Variants in ARFGEF2 observed in about 807,000 individuals in gnomAD.
The protein encoded by ARFGEF2 is ARF guanine nucleotide exchange factor 2.
ARFGEF2 carries 74 observed loss-of-function variants against 219.9 expected under a neutral mutation model. The observed-to-expected ratio is 0.34, with a 90% CI of 0.28 to 0.41. The LOEUF (loss-of-function observed/expected upper bound fraction) is 0.41, where lower values mean the gene tolerates loss of function less well. Among genes scored for constraint, ARFGEF2 ranks in the 10% least tolerant of loss-of-function variants. ARFGEF2 has a pLI of 1.00. For synonymous variants in ARFGEF2, 733 were observed against 799.2 expected (o/e 0.92, Z 1.40); for missense variants, 1,743 against 2,218.3 (o/e 0.79, Z 4.30).
intron 31 of ARFGEF2, 76 bp from the exon 32 acceptor site, chr20:49,017,173 A>T: frequency 6.8e-7 from 1 of 1,476,628 alleles, no homozygotes; most frequent in Middle Eastern, 2.0e-4. Context: ...CCAACTCACA[A>T]TATACAGTAT....
At position 48,985,159 on chromosome 20, in the gene ARFGEF2, G is replaced by T. The variant is rs6125511; in HGVS notation, c.2071-249G>T. Among the ~76,000 whole-genome samples, 15,731 of 147,732 alleles carry T rather than the reference G, an allele frequency of 0.11. 949 individuals are homozygous for T. The highest frequency in any genetic ancestry group is 0.13 in the Non-Finnish European group (8,914 of 67,528). ...TGCCTGTCTGCAACTAACCTCCTTA[G>T]TGTGCCCCGTCATTCTCTCCATTTT... is the stretch of plus-strand genomic sequence containing the variant. On this transcript the variant is annotated intron_variant, in intron 15 of 38. Transcript: ENST00000371917.
chr20:48,976,665 G>A (rs971293352), intron 14 of ARFGEF2, among the ~76,000 whole-genome samples: 7 of 151,934 alleles, frequency 4.6e-5, no homozygotes, highest in Admixed American at 2.0e-4. Flanking sequence ...AAAATTAGCC[G>A]GGCGTGGTGG....
At chr20:48,950,960 T>C (rs990471415) in intron 3 of ARFGEF2, among the ~76,000 whole-genome samples, 7 of 151,360 alleles carry the variant, frequency 4.6e-5, no homozygotes, top group Admixed American at 2.6e-4. Flanking sequence ...TTTTATGTTA[T>C]CATTGACGAT....
chr20:48,938,980 GT>G (rs1381256978), intron 1 of ARFGEF2, among the ~76,000 whole-genome samples: 82 of 133,514 alleles, frequency 6.1e-4, no homozygotes, highest in African/African-American at 9.4e-4. Context: ...TTTTTTGTTT[GT>G]TTTTTTTTTT....
chr20:48,945,529 G>A (rs893996270), intron 3 of ARFGEF2, among the ~76,000 whole-genome samples: 3 of 152,158 alleles, frequency 2.0e-5, no homozygotes, highest in Non-Finnish European at 2.9e-5. Flanking sequence ...AACCCACTGT[G>A]AATCTTGAGT....
rs746441792 is a variant in ARFGEF2 at position 48,998,451 on chromosome 20, G to A, written c.3378G>A (p.Arg1126=). The part of the protein sequence containing the change: ...IVEISYYNMN[R]IRLQWSRIWH... ...AGATATCATACTACAACATGAATCG[G>A]ATCCGACTACAGTGGTCTCGAATAT... The change falls in exon 25 of 39, where the codon CGG becomes CGA. Residue 1126 remains arginine, a synonymous_variant. Transcript: ENST00000371917. 1.2e-6 allele frequency: 2 copies of A among 1,613,734 alleles called. No homozygotes were observed. Among genetic ancestry groups the A allele is most frequent in the Non-Finnish European group, 1.7e-6 (2 of 1,180,022 alleles).
chr20:49,026,559 T>A (rs939151169), intron 36 of ARFGEF2, among the ~76,000 whole-genome samples: 1 of 151,994 alleles, frequency 6.6e-6, no homozygotes, highest in African/African-American at 2.4e-5. Flanking sequence ...TTATATAATT[T>A]TTGTATTGTT....
chr20:48,930,528 A>G lies in ARFGEF2; in HGVS notation c.121+8518A>G, dbSNP rs73126661. On this transcript the variant is annotated intron_variant, in intron 1 of 38. Transcript: ENST00000371917. ...AGTAAGAGCATGGGAAAGAGGATTG[A>G]TAAGCTTGACTCTCCGATTTCTGAC... Among the ~76,000 whole-genome samples, 1,397 of 152,294 alleles carry G rather than the reference A, an allele frequency of 9.2e-3. 13 individuals are homozygous for G. The highest frequency in any genetic ancestry group is 0.024 in the Middle Eastern group (7 of 294).
rs1568733313 is a variant in ARFGEF2, at chr20:49,005,754, A to AAAAAG, written c.3584+542_3584+546dup. Reference sequence around the variant, plus strand: ...CTCCGTCTCAAAAAAAAAAAAAAAAAAAAAGAAAAGAAATATGTCATGAAC... The same window carrying AAAAAG: ...CTCCGTCTCAAAAAAAAAAAAAAAAAAAAAGAAAAGAAAAGAAATATGTCATGAAC... On this transcript the variant is annotated intron_variant, in intron 26 of 38. Transcript: ENST00000371917. Among the ~76,000 whole-genome samples, 19 of 150,928 alleles carry AAAAAG rather than the reference A, an allele frequency of 1.3e-4. 1 individual carries two copies. The highest frequency in any genetic ancestry group is 8.5e-4 in the South Asian group (4 of 4,720).
intron 6 of ARFGEF2, among the ~76,000 whole-genome samples, chr20:48,961,133 T>A (rs1249065032): frequency 6.7e-6 from 1 of 150,362 alleles, no homozygotes; most frequent in Admixed American, 6.6e-5. Context: ...CAATAATAAA[T>A]TAATTTTAGC....
At chr20:48,935,447 A>G (rs1289590732) in intron 1 of ARFGEF2, among the ~76,000 whole-genome samples, 1 of 151,884 alleles carries the variant, frequency 6.6e-6, no homozygotes, top group African/African-American at 2.4e-5. Flanking sequence ...AGGCAGAAGA[A>G]TTTTTCTTAG....
At chr20:48,974,513 C>A (rs992001333) in intron 12 of ARFGEF2, among the ~76,000 whole-genome samples, 2 of 152,056 alleles carry the variant, frequency 1.3e-5, no homozygotes, top group African/African-American at 4.8e-5. Context: ...TAACATTGTT[C>A]ATTTTAGGAA....
chr20:48,971,749 A>G (rs1043645739), intron 10 of ARFGEF2, among the ~76,000 whole-genome samples: 2 of 152,060 alleles, frequency 1.3e-5, no homozygotes, highest in African/African-American at 2.4e-5. Context: ...AAAATACAAA[A>G]AATTAGCCAG....
Position 48,969,236 on chromosome 20 carries a change from G to T in ARFGEF2, c.1149G>T (p.Lys383Asn). The change falls in exon 9 of 39, where the codon AAG becomes AAT. Residue 383 changes from lysine (K) to asparagine (N), a missense_variant. By Grantham distance (94) the Lys-to-Asn change is moderately conservative. Coordinates refer to ENST00000371917, the MANE Select transcript of ARFGEF2 (RefSeq NM_006420.3). ...DAFLVFRSLCKLSMKPLGEGP... is the reference protein window; with the variant it reads ...DAFLVFRSLCNLSMKPLGEGP... ...TCCTTGTGTTCCGCTCCCTGTGCAAGCTGTCCATGAAACCCCTTGGTGAAG... is the reference window on the plus strand; with the variant it reads ...TCCTTGTGTTCCGCTCCCTGTGCAATCTGTCCATGAAACCCCTTGGTGAAG... 1 of 1,614,242 alleles carries T rather than the reference G, an allele frequency of 6.2e-7. No individual in the cohort carries two copies. The highest frequency in any genetic ancestry group is 8.5e-7 in the Non-Finnish European group (1 of 1,180,044).
Position 49,012,151 on chromosome 20 carries a change from C to G in ARFGEF2, c.3918+67C>G, listed in dbSNP as rs933195494. On this transcript the variant is annotated intron_variant, in intron 28 of 38. Transcript: ENST00000371917. ...AAAGGTCATGGAGCAGAAATTCTTG[C>G]TCCTAACAAAGAGCTTTCCAGCTAC... 1.7e-5 allele frequency: 28 copies of G among 1,604,156 alleles called. No homozygotes were observed. In the Middle Eastern group the frequency reaches 1.1e-3, roughly 65 times the overall value.
At chr20:48,931,082 A>G (rs2123279654) in intron 1 of ARFGEF2, among the ~76,000 whole-genome samples, 1 of 152,348 alleles carries the variant, frequency 6.6e-6, no homozygotes, top group East Asian at 1.9e-4. Context: ...TGGTGGCCTT[A>G]GCTTGAGCTG....
At chr20:48,999,975 A>G (rs539978258) in intron 25 of ARFGEF2, among the ~76,000 whole-genome samples, 1 of 152,122 alleles carries the variant, frequency 6.6e-6, no homozygotes, top group Non-Finnish European at 1.5e-5. Context: ...AAATCTTAAA[A>G]AGTAGTCTAC....
intron 6 of ARFGEF2, among the ~76,000 whole-genome samples, chr20:48,958,361 G>A: frequency 6.6e-6 from 1 of 152,176 alleles, no homozygotes; most frequent in Non-Finnish European, 1.5e-5. Flanking sequence ...CCCGGACCAG[G>A]CATGCAGGCT....
rs2091184317 is a variant in ARFGEF2 at position 48,965,927 on chromosome 20, G to A, written c.963G>A (p.Glu321=). The change falls in exon 8 of 39, where the codon GAG becomes GAA. Residue 321 remains glutamate (E), a synonymous_variant. Transcript: ENST00000371917. ...TEPERVLGEL[E]CQECAIPPGV... ...CTGAGAGAGTTCTAGGTGAACTGGA[G>A]TGCCAGGAATGTGCTATTCCCCCAG... 2 of 1,614,204 alleles carry A rather than the reference G, an allele frequency of 1.2e-6. No homozygotes were observed. Among genetic ancestry groups the A allele is most frequent in the South Asian group, 1.1e-5 (1 of 91,090 alleles).
Sources: gnomAD v4.1 joint callset for allele counts (sites outside exome capture counted in the v4.1 genomes callset) on GRCh38, gnomAD v4.1.1 for gene constraint, MANE v1.5 for transcripts, NCBI Gene and HGNC (gene_info 2026-07-23, HGNC 2026-07-21) for gene names.